Variants in RIMS4 observed in about 807,000 individuals in gnomAD.
RIMS4 encodes regulating synaptic membrane exocytosis protein 4.
Under a neutral mutation model 29.0 loss-of-function variants are expected in RIMS4, and 9 were observed. That is an observed-to-expected ratio of 0.31 (90% CI 0.19 to 0.54). The LOEUF (loss-of-function observed/expected upper bound fraction) is 0.54, where lower values mean the gene tolerates loss of function less well. Ranked by LOEUF, RIMS4 falls within the 20% of genes least tolerant of loss-of-function variation. RIMS4 has a pLI of 0.94. For synonymous variants in RIMS4, 130 were observed against 152.9 expected (o/e 0.85, Z 1.10); for missense variants, 193 against 365.7 (o/e 0.53, Z 3.85).
chr20:44,766,181 G>C (rs1035044482), intron 2 of RIMS4, among the ~76,000 whole-genome samples: 4 of 152,154 alleles, frequency 2.6e-5, no homozygotes, highest in African/African-American at 9.7e-5. Flanking sequence ...GACAGACATT[G>C]CTAATCAACC....
At chr20:44,782,846 C>A (rs779513880) in intron 1 of RIMS4, among the ~76,000 whole-genome samples, 1 of 152,230 alleles carries the variant, frequency 6.6e-6, no homozygotes, top group Non-Finnish European at 1.5e-5. Context: ...TCTCCACAAA[C>A]ACTGGAAAGA....
At chr20:44,773,645 T>A (rs1301795067) in intron 1 of RIMS4, among the ~76,000 whole-genome samples, 1 of 152,026 alleles carries the variant, frequency 6.6e-6, no homozygotes, top group Non-Finnish European at 1.5e-5. Flanking sequence ...CTGACACATT[T>A]CTCCCGGAAG....
At chr20:44,784,119 T>C (rs1283188849) in intron 1 of RIMS4, among the ~76,000 whole-genome samples, 1 of 152,174 alleles carries the variant, frequency 6.6e-6, no homozygotes, top group Non-Finnish European at 1.5e-5. Context: ...CCAGAAGCAG[T>C]GTGGAAAACC....
At chr20:44,768,430 C>T (rs1185924615) in intron 2 of RIMS4, among the ~76,000 whole-genome samples, 1 of 152,216 alleles carries the variant, frequency 6.6e-6, no homozygotes, top group Non-Finnish European at 1.5e-5. Flanking sequence ...CTCAGCTGGG[C>T]TGGCAGAAGC....
chr20:44,775,215 G>A (rs968248361), intron 1 of RIMS4, among the ~76,000 whole-genome samples: 8 of 152,044 alleles, frequency 5.3e-5, no homozygotes, highest in African/African-American at 9.7e-5. Flanking sequence ...TCTGCTTGTC[G>A]TCCATCAGGA....
intron 1 of RIMS4, among the ~76,000 whole-genome samples, chr20:44,785,350 G>A (rs901663751): frequency 4.6e-5 from 7 of 151,478 alleles, no homozygotes; most frequent in East Asian, 1.9e-4. Flanking sequence ...CATCTCAGCC[G>A]GTACTACACA....
intron 1 of RIMS4, among the ~76,000 whole-genome samples, chr20:44,795,820 C>T (rs910658924): frequency 3.2e-4 from 48 of 152,076 alleles, no homozygotes; most frequent in African/African-American, 1.1e-3. Context: ...GAACAGGTCA[C>T]GCAGCAGCTA....
intron 2 of RIMS4, among the ~76,000 whole-genome samples, chr20:44,763,315 TG>T (rs2066094189): frequency 6.6e-6 from 1 of 152,224 alleles, no homozygotes; most frequent in Non-Finnish European, 1.5e-5. Context: ...GCCGAGTTGT[TG>T]GGGAGAGTCA....
chr20:44,780,441 T>C (rs763524708), intron 1 of RIMS4, among the ~76,000 whole-genome samples: 2 of 152,208 alleles, frequency 1.3e-5, no homozygotes, highest in Non-Finnish European at 2.9e-5. Context: ...AGCATCCCTA[T>C]CTGTGGTTGT....
Position 44,756,916 on chromosome 20 carries a change from G to C in RIMS4, c.573C>G (p.Pro191=), listed in dbSNP as rs760184797. 18 of 1,613,848 alleles carry C rather than the reference G, an allele frequency of 1.1e-5. No homozygotes were observed. The Admixed American group carries it at 2.0e-4, about 18-fold the overall frequency. The change falls in exon 5 of 6, where the codon CCC becomes CCG. Residue 191 remains proline, a synonymous_variant. Transcript: ENST00000372851. This position sits in a 1 kb window ranked among gnomAD's most constrained non-coding sequence, Gnocchi z 5.9. The part of the protein sequence containing the change: ...YNQVLLFPES[P]QGKVLQVIVW... ...CCCTCACCTGGAGGACTTTGCCCTG[G>C]GGACTCTCAGGAAACAGCAGCACCT...
At chr20:44,762,290 G>A (rs2066088953) in intron 2 of RIMS4, among the ~76,000 whole-genome samples, 1 of 152,138 alleles carries the variant, frequency 6.6e-6, no homozygotes, top group African/African-American at 2.4e-5. Flanking sequence ...CCTGGGGGAG[G>A]CCCCTGGGGT....
At chr20:44,807,811 G>A (rs1601050746) in intron 1 of RIMS4, among the ~76,000 whole-genome samples, 1 of 152,090 alleles carries the variant, frequency 6.6e-6, no homozygotes, top group East Asian at 1.9e-4. Flanking sequence ...GGAAATGAAA[G>A]TTGACTTTCT....
At chr20:44,762,596 G>A (rs923946089) in intron 2 of RIMS4, among the ~76,000 whole-genome samples, 10 of 152,198 alleles carry the variant, frequency 6.6e-5, no homozygotes, top group Non-Finnish European at 1.0e-4. Flanking sequence ...TGGGGAACTG[G>A]CAGGCCTGGT....
intron 1 of RIMS4, among the ~76,000 whole-genome samples, chr20:44,775,516 A>G (rs2066156199): frequency 6.6e-6 from 1 of 152,190 alleles, no homozygotes; most frequent in Admixed American, 6.5e-5. Context: ...AAATGGGAGG[A>G]TGAACCCTCA....
rs373641740 is a variant in RIMS4 at position 44,757,786 on chromosome 20, A to G, written c.350-15T>C. ...CTCCACATCCCCTGGAAGAGGCACC[A>G]AGAGATGAGACTGGGAAATGGTTCA... On this transcript the variant is annotated splice_polypyrimidine_tract_variant and intron_variant, in intron 3 of 5. Coordinates refer to ENST00000372851, the MANE Select transcript of RIMS4 (RefSeq NM_182970.4). The G allele has an allele frequency of 1.2e-6, 2 of 1,602,560 alleles. No individual in the cohort carries two copies. The highest frequency in any genetic ancestry group is 2.7e-5 in the African/African-American group (2 of 74,708).
At chr20:44,800,011 G>A (rs1169932574) in intron 1 of RIMS4, among the ~76,000 whole-genome samples, 1 of 152,196 alleles carries the variant, frequency 6.6e-6, no homozygotes, top group Non-Finnish European at 1.5e-5. Flanking sequence ...TTGCGATGAG[G>A]AAACAGGCTC....
At chr20:44,765,239 C>G (rs1247118483) in intron 2 of RIMS4, among the ~76,000 whole-genome samples, 1 of 152,100 alleles carries the variant, frequency 6.6e-6, no homozygotes, top group African/African-American at 2.4e-5. Context: ...TCTATTTGCC[C>G]TGAGGGGACC....
chr20:44,780,048 G>A (rs886892842), intron 1 of RIMS4, among the ~76,000 whole-genome samples: 11 of 152,150 alleles, frequency 7.2e-5, no homozygotes, highest in African/African-American at 2.7e-4. Flanking sequence ...GGAAGGAGGG[G>A]AAAAGGCCTG....
In RIMS4 at chr20:44,753,406, G is replaced by T. The variant is rs886458749; in HGVS notation, c.*2728C>A. 6.6e-6 allele frequency: 1 copy of T among 152,208 alleles called. No individual in the cohort carries two copies. The highest frequency in any genetic ancestry group is 2.4e-5 in the African/African-American group (1 of 41,434). 9.4% of individuals were successfully genotyped at this position (152,208 alleles called of 1,614,324 possible). On this transcript the variant is annotated 3_prime_UTR_variant, in exon 6 of 6. Transcript: ENST00000372851. ...TTTCCTTGTCTGTAAAATGGAAATG[G>T]ACTAATGGTCCCAAAGGCCCTTCAA...
Sources: allele counts gnomAD v4.1 joint callset (sites outside exome capture counted in the v4.1 genomes callset), GRCh38; gene constraint gnomAD v4.1.1; non-coding constraint Gnocchi (gnomAD v3.1); transcripts MANE v1.5; gene names NCBI Gene and HGNC (gene_info 2026-07-23, HGNC 2026-07-21).